Variants in MAPK8 observed in about 807,000 individuals in gnomAD.
MAPK8 encodes mitogen-activated protein kinase 8.
MAPK8 carries 13 observed loss-of-function variants against 52.9 expected under a neutral mutation model. That is an observed-to-expected ratio of 0.25 (90% CI 0.16 to 0.39). The LOEUF (loss-of-function observed/expected upper bound fraction) is 0.39, where lower values mean the gene tolerates loss of function less well. Among genes scored for constraint, MAPK8 ranks in the 10% least tolerant of loss-of-function variants. MAPK8 has a pLI of 1.00. For synonymous variants in MAPK8, 191 were observed against 169.8 expected (o/e 1.12, Z -0.97); for missense variants, 300 against 519.2 (o/e 0.58, Z 4.10).
chr10:48,324,782 G>T (rs574575773), intron 1 of MAPK8, among the ~76,000 whole-genome samples: 2 of 152,126 alleles, frequency 1.3e-5, no homozygotes, highest in African/African-American at 4.8e-5. Flanking sequence ...TGTTAAGGTG[G>T]TATTCACCAG....
At chr10:48,414,780 C>T (rs2042972473) in intron 5 of MAPK8, among the ~76,000 whole-genome samples, 1 of 151,728 alleles carries the variant, frequency 6.6e-6, no homozygotes, top group South Asian at 2.1e-4. Context: ...CGGGGTCTTG[C>T]CATATTGCCC....
chr10:48,363,064 C>T (rs144450289), intron 1 of MAPK8, among the ~76,000 whole-genome samples: 1 of 151,490 alleles, frequency 6.6e-6, no homozygotes, highest in African/African-American at 2.4e-5. Context: ...AGAAATGGGG[C>T]CTCGCTGTGT....
chr10:48,335,664 C>G (rs1320384220), intron 1 of MAPK8, among the ~76,000 whole-genome samples: 1 of 152,138 alleles, frequency 6.6e-6, no homozygotes, highest in Non-Finnish European at 1.5e-5. Context: ...GTGTGTCATT[C>G]TTTCAAGTAA....
chr10:48,324,201 A>G (rs1365137157), intron 1 of MAPK8, among the ~76,000 whole-genome samples: 1 of 152,236 alleles, frequency 6.6e-6, no homozygotes, highest in Non-Finnish European at 1.5e-5. Context: ...TATCTAGTTC[A>G]TATTCAAGTT....
intron 1 of MAPK8, among the ~76,000 whole-genome samples, chr10:48,369,156 A>G (rs1453915822): frequency 6.6e-6 from 1 of 152,212 alleles, no homozygotes; most frequent in Non-Finnish European, 1.5e-5. Context: ...TTTTGGCTGC[A>G]GAATGAAGAA....
rs555155704 is a variant in MAPK8 at position 48,408,018 on chromosome 10, G to C, written c.253-1861G>C. ...CTCTTAAATTTGTTTGGCCCTTTCTGGTGTATTATTTTTCCGAATTTATTC... is the reference window on the plus strand; with the variant it reads ...CTCTTAAATTTGTTTGGCCCTTTCTCGTGTATTATTTTTCCGAATTTATTC... On this transcript the variant is annotated intron_variant, in intron 3 of 11. Coordinates refer to ENST00000374189, the MANE Select transcript of MAPK8 (RefSeq NM_001323329.2). Among the ~76,000 whole-genome samples the C allele has an allele frequency of 2.6e-5, 4 of 152,094 alleles. No individual in the cohort carries two copies. The South Asian group carries it at 6.2e-4, about 24-fold the overall frequency.
chr10:48,430,451 A>T (rs2044119448), intron 10 of MAPK8: 1 of 152,196 alleles, frequency 6.6e-6, no homozygotes, highest in African/African-American at 2.4e-5. Flanking sequence ...TTAACATCAG[A>T]ATCACTTCTG....
Position 48,372,221 on chromosome 10 carries a change from A to G in MAPK8, c.-49-29391A>G, listed in dbSNP as rs373202129. ...ATGATTACAAACAGAAAGGAATAGT[A>G]CCAACATCAAAGACCAAAGGTAGAT... On this transcript the variant is annotated intron_variant, in intron 1 of 11. Transcript: ENST00000374189. Among the ~76,000 whole-genome samples, 7 of 152,240 alleles carry G rather than the reference A, an allele frequency of 4.6e-5. No homozygotes were observed. The South Asian group carries it at 8.3e-4, about 18-fold the overall frequency.
In MAPK8 at chr10:48,401,681, C is replaced by G; in HGVS notation, c.21C>G (p.Asp7Glu). Residue 7 changes from aspartate (D) to glutamate (E), a missense_variant, in exon 2 of 12, where the codon GAC becomes GAG. By Grantham distance (45) the Asp-to-Glu change is conservative. Around this residue, in one of 3 missense-constraint regions of MAPK8, gnomAD observed 34 missense variants for 36.7 expected, o/e 0.93. Coordinates refer to ENST00000374189, the MANE Select transcript of MAPK8 (RefSeq NM_001323329.2). ...CCATCATGAGCAGAAGCAAGCGTGA[C>G]AACAATTTTTATAGTGTAGAGATTG... Reference protein sequence around the residue: MSRSKRDNNFYSVEIGD... With the variant: MSRSKRENNFYSVEIGD... 1 of 1,609,076 alleles carries G rather than the reference C, an allele frequency of 6.2e-7. No homozygotes were observed. Among genetic ancestry groups the G allele is most frequent in the Non-Finnish European group, 8.5e-7 (1 of 1,178,096 alleles).
chr10:48,425,607 G>A (rs2043631965), intron 7 of MAPK8: 1 of 335,804 alleles, frequency 3.0e-6, no homozygotes, highest in South Asian at 9.9e-5. Flanking sequence ...ATTATTCTTA[G>A]TTGCTTATCA....
chr10:48,307,619 C>G (rs564562663), intron 1 of MAPK8, among the ~76,000 whole-genome samples: 9 of 152,310 alleles, frequency 5.9e-5, no homozygotes, highest in East Asian at 1.9e-4. Context: ...GTTTTTATTT[C>G]TGAAAGTTCC....
chr10:48,420,355 A>G (rs1264890524), intron 6 of MAPK8, 35 bp downstream of exon 6: 1 of 1,534,110 alleles, frequency 6.5e-7, no homozygotes, highest in African/African-American at 1.4e-5. Context: ...TATTTTTCTG[A>G]TTTAGCTTTT....
intron 1 of MAPK8, among the ~76,000 whole-genome samples, chr10:48,393,322 T>C (rs1482981906): frequency 6.6e-6 from 1 of 152,148 alleles, no homozygotes; most frequent in Non-Finnish European, 1.5e-5. Context: ...CAACTTCTCT[T>C]CCTCCATATT....
chr10:48,379,213 A>G (rs1326703736), intron 1 of MAPK8, among the ~76,000 whole-genome samples: 2 of 152,334 alleles, frequency 1.3e-5, no homozygotes, highest in East Asian at 1.9e-4. Flanking sequence ...AAATATTTTG[A>G]TATTCCTGAA....
At chr10:48,349,256 G>C (rs1846077901) in intron 1 of MAPK8, among the ~76,000 whole-genome samples, 1 of 152,140 alleles carries the variant, frequency 6.6e-6, no homozygotes, top group African/African-American at 2.4e-5. Context: ...GTTGAACTCA[G>C]CTCTGGACCA....
At chr10:48,398,785 T>C (rs1371549099) in intron 1 of MAPK8, among the ~76,000 whole-genome samples, 3 of 152,166 alleles carry the variant, frequency 2.0e-5, no homozygotes, top group Non-Finnish European at 2.9e-5. Flanking sequence ...CTGTGTGATT[T>C]CATTTATATG....
chr10:48,427,277 A>G (rs1318661182), intron 10 of MAPK8, 134 bp downstream of exon 10: 10 of 571,072 alleles, frequency 1.8e-5, no homozygotes, highest in Admixed American at 1.5e-4. Context: ...ATATTTTTAC[A>G]TAAGTAGAAA....
intron 5 of MAPK8, among the ~76,000 whole-genome samples, chr10:48,413,241 C>CTATGAA (rs80019161): frequency 0.039 from 5,895 of 152,258 alleles, 119 homozygotes; most frequent in African/African-American, 0.049. Flanking sequence ...AAAAATGCTG[C>CTATGAA]TATGAACATG....
chr10:48,411,971 A>G (rs1247846052), intron 5 of MAPK8, among the ~76,000 whole-genome samples: 1 of 151,628 alleles, frequency 6.6e-6, no homozygotes, highest in East Asian at 1.9e-4. Context: ...CAGCCTCCCA[A>G]GTAGCTGGGA....
Sources: allele counts gnomAD v4.1 joint callset (sites outside exome capture counted in the v4.1 genomes callset), GRCh38; gene constraint gnomAD v4.1.1; regional missense constraint gnomAD v4.1.1; transcripts MANE v1.5; gene names NCBI Gene and HGNC (gene_info 2026-07-23, HGNC 2026-07-21).